EXOSC10: variants seen among roughly 807,000 people sequenced by gnomAD.
EXOSC10 encodes the protein exosome component 10, also known as exosome complex component 10.
EXOSC10 carries 94 observed loss-of-function variants against 126.6 expected under a neutral mutation model. That is an observed-to-expected ratio of 0.74 (90% CI 0.63 to 0.88). The LOEUF (loss-of-function observed/expected upper bound fraction) is 0.88. Ranked by LOEUF, EXOSC10 falls within the 40% of genes least tolerant of loss-of-function variation. The pLI is 0.00. For missense variants in EXOSC10, 1,041 were observed against 1,100.5 expected (o/e 0.95, Z 0.77); for synonymous variants, 395 against 400.8 (o/e 0.99, Z 0.17).
chr1:11,067,099 C>A (rs529705353), intron 24 of EXOSC10, among the ~76,000 whole-genome samples: 1 of 152,236 alleles, frequency 6.6e-6, no homozygotes, highest in East Asian at 1.9e-4. Context: ...GAGTTTGAGA[C>A]CAGCCTGGCC....
rs1557704190 is a variant in EXOSC10, at chr1:11,080,561, A to AC, written c.1587-13_1587-12insG. The stretch of plus-strand genomic sequence containing the variant: ...TTGGCAGTACATATCTGGAAAAAAA[A>AC]AAACACACACACACACACACACACA... On this transcript the variant is annotated splice_polypyrimidine_tract_variant and intron_variant, in intron 12 of 24. Coordinates refer to ENST00000376936, the MANE Select transcript of EXOSC10 (RefSeq NM_001001998.3). The AC allele has an allele frequency of 8.0e-5, 121 of 1,504,700 alleles. No homozygotes were observed. The African/African-American group carries it at 9.4e-4, about 12-fold the overall frequency. 93.2% of individuals were successfully genotyped at this position (1,504,700 alleles called of 1,614,324 possible). A position where few individuals can be genotyped will look rare whatever the true frequency, so the allele number is the denominator to read the frequency against.
intron 11 of EXOSC10, 83 bp downstream of exon 11, chr1:11,080,999 G>GT: frequency 6.3e-7 from 1 of 1,580,858 alleles, no homozygotes. Context: ...TTTCATGAAT[G>GT]TAAGGAGCAA....
At chr1:11,089,510 A>C (rs1317476042) in intron 6 of EXOSC10, among the ~76,000 whole-genome samples, 1 of 151,672 alleles carries the variant, frequency 6.6e-6, no homozygotes, top group Non-Finnish European at 1.5e-5. Flanking sequence ...AATCCCAGCT[A>C]CTTGGGAGGC....
chr1:11,085,459 A>T (rs142542473), intron 9 of EXOSC10, among the ~76,000 whole-genome samples: 10,968 of 152,058 alleles, frequency 0.072, 614 homozygotes, highest in East Asian at 0.15. Context: ...GTGATTTTTG[A>T]ATATTGATTT....
Position 11,073,951 on chromosome 1 carries a change from A to T in EXOSC10, c.2140T>A (p.Ser714Thr). The part of the protein sequence containing the change: ...PVSQAAKFDP[S>T]TKIYEISNRW... ...CCACTTACTTCATAGATTTTGGTTG[A>T]TGGATCGAACTTCGCTGCCTGAGAG... is the stretch of plus-strand genomic sequence containing the variant. Residue 714 changes from serine (S) to threonine (T), a missense_variant, in exon 19 of 25, where the codon TCA becomes ACA. Transcript: ENST00000376936. 6.3e-7 allele frequency: 1 copy of T among 1,576,944 alleles called. No homozygotes were observed. Among genetic ancestry groups the T allele is most frequent in the Non-Finnish European group, 8.6e-7 (1 of 1,156,816 alleles).
intron 14 of EXOSC10, among the ~76,000 whole-genome samples, 161 bp downstream of exon 14, chr1:11,079,550 G>A (rs528265537): frequency 6.6e-6 from 1 of 151,066 alleles, no homozygotes; most frequent in African/African-American, 2.4e-5. Context: ...TGCACCACAC[G>A]CCTGGCTAAT....
intron 3 of EXOSC10, among the ~76,000 whole-genome samples, chr1:11,093,427 T>C (rs1319659136): frequency 1.3e-5 from 2 of 152,228 alleles, no homozygotes; most frequent in South Asian, 2.1e-4. Context: ...CATAGGATTA[T>C]GGCAGGACTT....
At chr1:11,090,703 C>T in intron 5 of EXOSC10, 35 bp from the exon 6 acceptor site, 1 of 1,460,222 alleles carries the variant, frequency 6.8e-7, no homozygotes, top group Non-Finnish European at 9.4e-7. Context: ...ACATCATTAG[C>T]ACATTCATGT....
At chr1:11,071,044 C>T in intron 20 of EXOSC10, 71 bp from the exon 21 acceptor site, 2 of 1,451,860 alleles carry the variant, frequency 1.4e-6, no homozygotes, top group South Asian at 2.3e-5. Flanking sequence ...CTCCATCCCC[C>T]TCCGACTTGG....
At chr1:11,099,697 A>T in intron 1 of EXOSC10, 24 bp downstream of exon 1, 1 of 1,578,048 alleles carries the variant, frequency 6.3e-7, no homozygotes, top group Non-Finnish European at 8.6e-7. Context: ...GACTCCTGGT[A>T]CCCCCGAGGC....
chr1:11,082,448 T>A, intron 10 of EXOSC10: 1 of 989,732 alleles, frequency 1.0e-6, no homozygotes, highest in Non-Finnish European at 1.4e-6. Context: ...GTGCGGCACC[T>A]CTTTTTCAAC....
In EXOSC10 at chr1:11,080,563, A is replaced by AAAACACACACACAC. The variant is rs763871842; in HGVS notation, c.1587-15_1587-14insGTGTGTGTGTGTTT. 10 of 1,423,584 alleles carry AAAACACACACACAC rather than the reference A, an allele frequency of 7.0e-6. No homozygotes were observed. In the African/African-American group the frequency reaches 8.3e-5, roughly 12 times the overall value. 88.2% of individuals were successfully genotyped at this position (1,423,584 alleles called of 1,614,324 possible). ...GGCAGTACATATCTGGAAAAAAAAA[A>AAAACACACACACAC]ACACACACACACACACACACACACA... On this transcript the variant is annotated splice_polypyrimidine_tract_variant and intron_variant, in intron 12 of 24. Coordinates refer to ENST00000376936, the MANE Select transcript of EXOSC10 (RefSeq NM_001001998.3).
At chr1:11,088,058 A>G in intron 7 of EXOSC10, 65 bp downstream of exon 7, 1 of 1,383,362 alleles carries the variant, frequency 7.2e-7, no homozygotes. Context: ...TGCATCAATG[A>G]ATCTACTTAT....
intron 3 of EXOSC10, among the ~76,000 whole-genome samples, chr1:11,094,503 C>T (rs1435236845): frequency 6.6e-6 from 1 of 151,762 alleles, no homozygotes; most frequent in Non-Finnish European, 1.5e-5. Context: ...ACCATGTCCG[C>T]CAGGCTGCTC....
intron 6 of EXOSC10, among the ~76,000 whole-genome samples, chr1:11,088,591 A>G (rs533495449): frequency 6.6e-6 from 1 of 152,332 alleles, no homozygotes; most frequent in East Asian, 1.9e-4. Context: ...CAAGAGCTTA[A>G]TGTTATATTT....
intron 19 of EXOSC10, among the ~76,000 whole-genome samples, chr1:11,073,379 G>A (rs1002173271): frequency 7.2e-5 from 11 of 151,852 alleles, no homozygotes; most frequent in Admixed American, 5.9e-4. Flanking sequence ...TGATCCGCCC[G>A]CCTCGGCCTC....
chr1:11,074,133 C>T (rs557530555), intron 18 of EXOSC10, 98 bp downstream of exon 18: 177 of 1,377,554 alleles, frequency 1.3e-4, no homozygotes, highest in Admixed American at 1.7e-4. Context: ...CCAGGGCAGC[C>T]GACACACTGG....
At chr1:11,069,057 A>G in intron 22 of EXOSC10, 1 of 317,752 alleles carries the variant, frequency 3.1e-6, no homozygotes, top group Non-Finnish European at 5.8e-6. Context: ...ATAAAGGGCC[A>G]TTGTGTGGAC....
At chr1:11,073,257 C>T (rs1036200402) in intron 19 of EXOSC10, among the ~76,000 whole-genome samples, 8 of 152,126 alleles carry the variant, frequency 5.3e-5, no homozygotes, top group Non-Finnish European at 1.2e-4. Flanking sequence ...CTCAGCCCCC[C>T]GAGTAGCTGG....
Sources: allele counts gnomAD v4.1 joint callset (sites outside exome capture counted in the v4.1 genomes callset), GRCh38; gene constraint gnomAD v4.1.1; transcripts MANE v1.5; gene names NCBI Gene and HGNC (gene_info 2026-07-23, HGNC 2026-07-21).